Variants in ASAP2 observed in about 807,000 individuals in gnomAD.
The protein encoded by ASAP2 is arf-GAP with SH3 domain, ANK repeat and PH domain-containing protein 2.
Under a neutral mutation model 131.4 loss-of-function variants are expected in ASAP2, and 45 were observed. The observed-to-expected ratio is 0.34, with a 90% CI of 0.27 to 0.44. ASAP2 has a LOEUF of 0.44. ASAP2 is among the 20% of genes least tolerant of loss of function. The pLI is 1.00. For synonymous variants in ASAP2, 510 were observed against 503.0 expected (o/e 1.01, Z -0.19); for missense variants, 1,011 against 1,297.0 (o/e 0.78, Z 3.39).
chr2:9,317,566 TCACACACC>T (rs940382884), intron 3 of ASAP2, among the ~76,000 whole-genome samples: 6 of 127,306 alleles, frequency 4.7e-5, no homozygotes, highest in Middle Eastern at 4.9e-3. Context: ...AATCACACTC[TCACACACC>T]CACACACCCG....
chr2:9,388,558 T>A lies in ASAP2; in HGVS notation c.2383+12T>A, dbSNP rs757892056. 3 of 1,608,950 alleles carry A rather than the reference T, an allele frequency of 1.9e-6. No homozygotes were observed. The South Asian group carries it at 3.3e-5, about 18-fold the overall frequency. On this transcript the variant is annotated intron_variant, in intron 22 of 27. Transcript: ENST00000281419. ...GAATGTTGGCAAAGGTATGAAGCTG[T>A]CCGTCATCCCTGTGAATATATAGAG...
chr2:9,391,291 C>T (rs1049899052), intron 23 of ASAP2, 95 bp downstream of exon 23: 1 of 1,496,738 alleles, frequency 6.7e-7, no homozygotes, highest in African/African-American at 1.4e-5. Context: ...CCAGCACAGA[C>T]ACGTGCCAAG....
chr2:9,243,456 T>G (rs1027352790), intron 1 of ASAP2, among the ~76,000 whole-genome samples: 1 of 152,204 alleles, frequency 6.6e-6, no homozygotes, highest in Non-Finnish European at 1.5e-5. Flanking sequence ...TTACAATCAC[T>G]GTTGTTTAGG....
chr2:9,229,544 G>A (rs1348963735), intron 1 of ASAP2, among the ~76,000 whole-genome samples: 2 of 152,232 alleles, frequency 1.3e-5, no homozygotes, highest in Non-Finnish European at 2.9e-5. Context: ...ATGTGTCTAG[G>A]GAGGAGCGGA....
At chr2:9,249,475 G>A (rs1029239745) in intron 1 of ASAP2, among the ~76,000 whole-genome samples, 22 of 152,186 alleles carry the variant, frequency 1.4e-4, no homozygotes, top group Admixed American at 5.2e-4. Context: ...GTAATTTGAG[G>A]GACTCTCATG....
chr2:9,322,323 C>T (rs915374082), intron 5 of ASAP2, among the ~76,000 whole-genome samples: 3 of 152,230 alleles, frequency 2.0e-5, no homozygotes, highest in African/African-American at 7.2e-5. Flanking sequence ...TAGCCCATTT[C>T]ATCACTGGAT....
At chr2:9,396,949 C>G (rs990607406) in intron 24 of ASAP2, among the ~76,000 whole-genome samples, 4 of 152,190 alleles carry the variant, frequency 2.6e-5, no homozygotes, top group Admixed American at 6.5e-5. Context: ...TTGCAGTGAG[C>G]CAAGATCACA....
chr2:9,265,868 G>C (rs1476221540), intron 1 of ASAP2, among the ~76,000 whole-genome samples: 1 of 152,156 alleles, frequency 6.6e-6, no homozygotes, highest in Non-Finnish European at 1.5e-5. Flanking sequence ...CACCTCCCCG[G>C]TTCAAGTGAT....
At position 9,401,195 on chromosome 2, in the gene ASAP2, A is replaced by T. The variant is rs1676636110; in HGVS notation, c.2824-79A>T. On this transcript the variant is annotated intron_variant, in intron 26 of 27. Coordinates refer to ENST00000281419, the MANE Select transcript of ASAP2 (RefSeq NM_003887.3). The stretch of plus-strand genomic sequence containing the variant: ...AGGTACGGGACTCCTGAGACCGGGG[A>T]AGGCAGGGTGCTTGAGCTCTCTGCC... The T allele has an allele frequency of 3.2e-6, 5 of 1,568,050 alleles. No homozygotes were observed. In the Admixed American group the frequency reaches 6.9e-5, roughly 22 times the overall value.
chr2:9,355,770 G>A (rs1672659253), intron 12 of ASAP2, among the ~76,000 whole-genome samples: 2 of 152,184 alleles, frequency 1.3e-5, no homozygotes, highest in African/African-American at 4.8e-5. Flanking sequence ...GCTATTGAGA[G>A]GATAGTGATG....
At chr2:9,356,836 C>T (rs1011812998) in intron 14 of ASAP2, among the ~76,000 whole-genome samples, 4 of 152,134 alleles carry the variant, frequency 2.6e-5, no homozygotes, top group African/African-American at 9.7e-5. Flanking sequence ...AGGGACAGGA[C>T]CCTTTCAGCT....
At chr2:9,362,061 A>G (rs1673130033) in intron 15 of ASAP2, among the ~76,000 whole-genome samples, 1 of 151,392 alleles carries the variant, frequency 6.6e-6, no homozygotes, top group Non-Finnish European at 1.5e-5. Context: ...AGTATTAGTT[A>G]TCATTGTTAT....
intron 1 of ASAP2, among the ~76,000 whole-genome samples, chr2:9,272,894 T>G (rs1215996441): frequency 6.6e-6 from 1 of 152,208 alleles, no homozygotes; most frequent in Non-Finnish European, 1.5e-5. Flanking sequence ...GGTTCTCTAT[T>G]CCATTAGTCT....
chr2:9,270,216 C>T (rs912810902), intron 1 of ASAP2, among the ~76,000 whole-genome samples: 6 of 152,138 alleles, frequency 3.9e-5, no homozygotes, highest in Non-Finnish European at 7.3e-5. Context: ...GGGGTCTCTT[C>T]GGTTCTTGCC....
chr2:9,300,459 C>T (rs1048526724), intron 3 of ASAP2, among the ~76,000 whole-genome samples: 1 of 152,274 alleles, frequency 6.6e-6, no homozygotes, highest in African/African-American at 2.4e-5. Flanking sequence ...ACAGCTGGTA[C>T]ATTGCTCACC....
intron 6 of ASAP2, among the ~76,000 whole-genome samples, chr2:9,324,074 G>A (rs979796808): frequency 2.0e-5 from 3 of 152,196 alleles, no homozygotes; most frequent in East Asian, 1.9e-4. Flanking sequence ...GGTTTCAAAT[G>A]TACACAATGT....
chr2:9,399,188 A>G (rs1290179881), intron 24 of ASAP2: 4 of 152,284 alleles, frequency 2.6e-5, no homozygotes, highest in Admixed American at 1.3e-4. Flanking sequence ...GGGAGTGTCG[A>G]CAGACGGGAG....
intron 1 of ASAP2, among the ~76,000 whole-genome samples, chr2:9,278,926 G>A (rs1002722852): frequency 1.3e-5 from 2 of 152,190 alleles, no homozygotes; most frequent in African/African-American, 4.8e-5. Flanking sequence ...CACGATAGGA[G>A]TCCCTGGCAG....
intron 25 of ASAP2, among the ~76,000 whole-genome samples, chr2:9,400,335 T>C (rs1572645371): frequency 2.0e-5 from 1 of 49,638 alleles, no homozygotes; most frequent in Non-Finnish European, 3.7e-5. Flanking sequence ...CTTCTCCTCC[T>C]CTCCCCCTCC....
Sources: allele counts gnomAD v4.1 joint callset (sites outside exome capture counted in the v4.1 genomes callset), GRCh38; gene constraint gnomAD v4.1.1; transcripts MANE v1.5; gene names NCBI Gene and HGNC (gene_info 2026-07-23, HGNC 2026-07-21).